Variants in PCNX1 observed in about 807,000 individuals in gnomAD.
PCNX1 encodes the protein pecanex 1.
A neutral mutation model predicts 242.2 loss-of-function variants in PCNX1; 78 were observed. The observed-to-expected ratio is 0.32, with a 90% confidence interval of 0.27 to 0.39. The LOEUF (loss-of-function observed/expected upper bound fraction) is 0.39. Ranked by LOEUF, PCNX1 falls within the 10% of genes least tolerant of loss-of-function variation. PCNX1 has a pLI of 1.00. For synonymous variants in PCNX1, 1,024 were observed against 1,032.9 expected, an observed-to-expected ratio of 0.99 and a Z score of 0.17; for missense variants, 2,581 against 2,856.5, an observed-to-expected ratio of 0.90 and a Z score of 2.20.
At chr14:71,107,139 C>T (rs1274948608) in intron 33 of PCNX1, among the ~76,000 whole-genome samples, 4 of 152,060 alleles carry the variant, frequency 2.6e-5, no homozygotes, top group Non-Finnish European at 5.9e-5. Context: ...GGCAGTTGAT[C>T]CAGCCATATG....
chr14:71,020,475 A>G (rs965879779), intron 12 of PCNX1, among the ~76,000 whole-genome samples: 10 of 152,180 alleles, frequency 6.6e-5, no homozygotes, highest in African/African-American at 2.2e-4. Context: ...TTGCTGTTCT[A>G]ACTGGCTTGA....
chr14:71,099,240 G>A (rs907964580), intron 30 of PCNX1, among the ~76,000 whole-genome samples: 2 of 149,384 alleles, frequency 1.3e-5, no homozygotes, highest in African/African-American at 4.9e-5. Context: ...CTCACTGCAA[G>A]CTTGGCCTCC....
intron 1 of PCNX1, among the ~76,000 whole-genome samples, chr14:70,934,247 C>T (rs548200493): frequency 7.2e-5 from 11 of 152,230 alleles, no homozygotes; most frequent in Non-Finnish European, 1.0e-4. Context: ...GATGAAATTG[C>T]GCAATTTTTA....
intron 30 of PCNX1, among the ~76,000 whole-genome samples, chr14:71,096,520 T>C (rs1028850865): frequency 1.3e-5 from 2 of 152,196 alleles, no homozygotes; most frequent in Admixed American, 6.5e-5. Flanking sequence ...TCTGGACTTT[T>C]ATTTTTCATT....
chr14:70,949,362 CAT>C (rs556802678), intron 2 of PCNX1, among the ~76,000 whole-genome samples: 2 of 143,632 alleles, frequency 1.4e-5, no homozygotes, highest in African/African-American at 2.6e-5. Flanking sequence ...TGCATATATA[CAT>C]ATATAGACAC....
intron 7 of PCNX1, among the ~76,000 whole-genome samples, chr14:70,992,286 T>G (rs2059188647): frequency 6.6e-6 from 1 of 152,122 alleles, no homozygotes; most frequent in Admixed American, 6.5e-5. Flanking sequence ...GAAAAACGCT[T>G]TAGTGTATTC....
At chr14:70,916,212 T>C (rs1236350248) in intron 1 of PCNX1, among the ~76,000 whole-genome samples, 2 of 152,106 alleles carry the variant, frequency 1.3e-5, no homozygotes, top group Admixed American at 1.3e-4. Context: ...ATCTTTGAGA[T>C]TGGAGAACAT....
chr14:70,955,405 T>C (rs1360192350), intron 2 of PCNX1, among the ~76,000 whole-genome samples: 1 of 152,202 alleles, frequency 6.6e-6, no homozygotes, highest in African/African-American at 2.4e-5. Flanking sequence ...TTACTCCAGA[T>C]TTACAAACTT....
chr14:71,039,394 G>A (rs999473369), intron 19 of PCNX1, among the ~76,000 whole-genome samples: 1 of 152,014 alleles, frequency 6.6e-6, no homozygotes, highest in African/African-American at 2.4e-5. Context: ...CTGACTATTG[G>A]CTGGAGACCT....
chr14:71,102,671 T>A (rs979908387), intron 31 of PCNX1, among the ~76,000 whole-genome samples: 6 of 151,348 alleles, frequency 4.0e-5, no homozygotes, highest in Non-Finnish European at 7.4e-5. Flanking sequence ...ATTTTACTTA[T>A]TTTTTTTTAG....
At chr14:71,036,802 A>G (rs1035146412) in intron 19 of PCNX1, among the ~76,000 whole-genome samples, 1 of 152,304 alleles carries the variant, frequency 6.6e-6, no homozygotes, top group South Asian at 2.1e-4. Flanking sequence ...TTTTTAATCA[A>G]CAAATACTTA....
chr14:70,978,455 G>T lies in PCNX1; in HGVS notation c.2118G>T (p.Arg706Ser), dbSNP rs148315369. Residue 706 changes from arginine (R) to serine (S), a missense_variant, in exon 6 of 36, where the codon AGG (arginine) becomes AGT (serine). Arg to Ser is a moderately radical substitution (Grantham distance 110, BLOSUM62 -1). Coordinates refer to ENST00000304743, the MANE Select transcript of PCNX1 (RefSeq NM_014982.3). ...GTVACLNDSN[R>S]LMAPESIKPL... Reference sequence around the variant, plus strand: ...TAGCATGTTTGAATGACTCAAACAGGTTAATGGCACCTGAAAGTATAAAGC... The same window carrying T: ...TAGCATGTTTGAATGACTCAAACAGTTTAATGGCACCTGAAAGTATAAAGC... 374 of 1,614,084 alleles carry T rather than the reference G, an allele frequency of 2.3e-4. 1 individual carries two copies. The highest frequency in any genetic ancestry group is 2.9e-4 in the Non-Finnish European group (343 of 1,180,034).
At chr14:70,971,043 A>AG (rs1424135171) in intron 5 of PCNX1, among the ~76,000 whole-genome samples, 1 of 151,994 alleles carries the variant, frequency 6.6e-6, no homozygotes, top group Non-Finnish European at 1.5e-5. Context: ...ACAGCTACAA[A>AG]GTGACAGTCC....
chr14:71,056,228 T>TA (rs772852906), intron 25 of PCNX1, among the ~76,000 whole-genome samples: 6 of 152,232 alleles, frequency 3.9e-5, no homozygotes, highest in Admixed American at 6.5e-5. Flanking sequence ...CCATTTGACT[T>TA]ACAAATTCCT....
At chr14:70,919,537 C>T (rs2056285956) in intron 1 of PCNX1, among the ~76,000 whole-genome samples, 1 of 152,034 alleles carries the variant, frequency 6.6e-6, no homozygotes, top group Non-Finnish European at 1.5e-5. Flanking sequence ...ACTAGAATAG[C>T]ACAGACTAAT....
intron 2 of PCNX1, among the ~76,000 whole-genome samples, chr14:70,959,049 AT>A (rs1225848234): frequency 1.3e-5 from 2 of 150,178 alleles, no homozygotes; most frequent in East Asian, 3.9e-4. Flanking sequence ...TATATAGACT[AT>A]TGACTACTTA....
chr14:71,077,951 C>T (rs923510223), intron 28 of PCNX1, among the ~76,000 whole-genome samples: 4 of 152,128 alleles, frequency 2.6e-5, no homozygotes, highest in African/African-American at 9.7e-5. Context: ...TCTACCCACT[C>T]AGGAACAGGG....
intron 26 of PCNX1, among the ~76,000 whole-genome samples, chr14:71,067,436 T>A (rs2061476217): frequency 6.6e-6 from 1 of 152,214 alleles, no homozygotes; most frequent in Non-Finnish European, 1.5e-5. Flanking sequence ...TGGTACTTTG[T>A]ATTTCTGTGG....
chr14:71,071,056 GCTT>G (rs2061574813), intron 26 of PCNX1, among the ~76,000 whole-genome samples: 3 of 152,206 alleles, frequency 2.0e-5, no homozygotes, highest in Admixed American at 2.0e-4. Flanking sequence ...TATGAAGACA[GCTT>G]CTTTCCTTAA....
Sources: allele counts gnomAD v4.1 joint callset (sites outside exome capture counted in the v4.1 genomes callset), GRCh38; gene constraint gnomAD v4.1.1; transcripts MANE v1.5; gene names NCBI Gene and HGNC (gene_info 2026-07-23, HGNC 2026-07-21).